The following CNTNAP4 variants were observed in gnomAD, a reference collection of about 807,000 sequenced individuals.
CNTNAP4 encodes contactin associated protein family member 4.
Under a neutral mutation model 148.4 loss-of-function variants are expected in CNTNAP4, and 98 were observed. The observed-to-expected ratio is 0.66, with a 90% CI of 0.56 to 0.78. CNTNAP4 has a LOEUF of 0.78. Ranked by LOEUF, CNTNAP4 falls within the 30% of genes least tolerant of loss-of-function variation. CNTNAP4 has a pLI of 0.00. For missense variants in CNTNAP4, 1,935 were observed against 1,565.6 expected, an observed-to-expected ratio of 1.24 and a Z score of -3.98; for synonymous variants, 730 against 565.1, an observed-to-expected ratio of 1.29 and a Z score of -4.14.
Position 76,540,747 on chromosome 16 carries a change from A to T in CNTNAP4, c.3399A>T (p.Thr1133=). 1 of 1,577,862 alleles carries T rather than the reference A, an allele frequency of 6.3e-7. No individual in the cohort carries two copies. ...RRRQVHLSSG[T]EFSAVKSLVL... is the part of the protein sequence containing the mutation. The stretch of plus-strand genomic sequence containing the variant: ...GACAAGTTCACCTGTCATCAGGCAC[A>T]GAATTCAGTGCAGTCAAATCTCTGG... Residue 1133 remains threonine, a synonymous_variant, in exon 21 of 24, where the codon ACA becomes ACT. Transcript: ENST00000611870.
intron 12 of CNTNAP4, among the ~76,000 whole-genome samples, 169 bp from the exon 13 acceptor site, chr16:76,489,517 A>C (rs1245912427): frequency 6.6e-6 from 1 of 152,338 alleles, no homozygotes; most frequent in East Asian, 1.9e-4. Flanking sequence ...CACTTACCAT[A>C]ACTTAAAAAT....
chr16:76,316,491 G>A lies in CNTNAP4; in HGVS notation c.164G>A (p.Gly55Asp), dbSNP rs1295852190. 2 of 1,613,788 alleles carry A rather than the reference G, an allele frequency of 1.2e-6. No homozygotes were observed. Among genetic ancestry groups the A allele is most frequent in the South Asian group, 1.1e-5 (1 of 91,074 alleles). The change falls in exon 2 of 24, where the codon GGT (glycine) becomes GAT (aspartate). Residue 55 changes from glycine (G) to aspartate (D), a missense_variant. Physicochemically the swap from Gly to Asp is moderately conservative, Grantham distance 94 (BLOSUM62 -1). Transcript: ENST00000611870. ...TCTTCCGAGCTCTCCAGCAGTCATG[G>A]TCCTGGATTTGCAAGGCTGAATAGA... ...SSSSELSSSH[G>D]PGFARLNRRD... is the part of the protein sequence containing the mutation.
intron 4 of CNTNAP4, among the ~76,000 whole-genome samples, chr16:76,443,582 C>A (rs947662244): frequency 2.0e-5 from 3 of 151,636 alleles, no homozygotes; most frequent in Non-Finnish European, 4.4e-5. Flanking sequence ...CAGAGGGAGA[C>A]CCTGTCCAAA....
chr16:76,320,485 G>C (rs139062767), intron 2 of CNTNAP4, among the ~76,000 whole-genome samples: 370 of 152,316 alleles, frequency 2.4e-3, no homozygotes, highest in Non-Finnish European at 3.9e-3. Context: ...GGGTAGGACA[G>C]ATTTTGCTAA....
At chr16:76,484,506 A>T (rs976349964) in intron 12 of CNTNAP4, among the ~76,000 whole-genome samples, 1 of 152,156 alleles carries the variant, frequency 6.6e-6, no homozygotes, top group Admixed American at 6.6e-5. Flanking sequence ...GAGTATTGCA[A>T]CCCAGTGAGA....
Position 76,326,261 on chromosome 16 carries a change from A to C in CNTNAP4, c.196+9738A>C, listed in dbSNP as rs550553317. ...AGCGTACATGTGTGAAGGGCCCCAGACTCTGCCTCAGAATGAGAATGCCTC... is the reference window on the plus strand; with the variant it reads ...AGCGTACATGTGTGAAGGGCCCCAGCCTCTGCCTCAGAATGAGAATGCCTC... On this transcript the variant is annotated intron_variant, in intron 2 of 23. Transcript: ENST00000611870. 1.1e-3 allele frequency among the ~76,000 whole-genome samples: 163 copies of C among 152,230 alleles called. 1 individual carries two copies. Among genetic ancestry groups the C allele is most frequent in the African/African-American group, 3.7e-3 (154 of 41,548 alleles).
intron 4 of CNTNAP4, among the ~76,000 whole-genome samples, chr16:76,429,981 G>A (rs1474186733): frequency 6.6e-6 from 1 of 152,068 alleles, no homozygotes; most frequent in East Asian, 1.9e-4. Context: ...AGGAGAAAAA[G>A]TAATAAACTT....
intron 2 of CNTNAP4, among the ~76,000 whole-genome samples, chr16:76,341,870 AG>A (rs1964496378): frequency 6.6e-6 from 1 of 152,196 alleles, no homozygotes; most frequent in South Asian, 2.1e-4. Flanking sequence ...ATGCTGAAAA[AG>A]GCTGGTCAGG....
chr16:76,456,095 A>G (rs1265411788), intron 8 of CNTNAP4, among the ~76,000 whole-genome samples: 2 of 136,732 alleles, frequency 1.5e-5, no homozygotes, highest in African/African-American at 4.9e-5. Flanking sequence ...CTACTATTCC[A>G]TCCTTCCATT....
At chr16:76,307,503 C>T (rs1447779289) in intron 1 of CNTNAP4, among the ~76,000 whole-genome samples, 6 of 91,718 alleles carry the variant, frequency 6.5e-5, no homozygotes, top group Admixed American at 1.3e-4. Context: ...ATTTTAAATG[C>T]ATATATATAT....
intron 9 of CNTNAP4, among the ~76,000 whole-genome samples, chr16:76,465,166 A>C (rs1423157833): frequency 6.6e-6 from 1 of 152,226 alleles, no homozygotes; most frequent in African/African-American, 2.4e-5. Flanking sequence ...GAGGTGCTTA[A>C]CATGCTGACT....
chr16:76,454,260 A>G (rs2080636707), intron 8 of CNTNAP4, among the ~76,000 whole-genome samples: 1 of 152,044 alleles, frequency 6.6e-6, no homozygotes, highest in Non-Finnish European at 1.5e-5. Flanking sequence ...GATTACAGGC[A>G]TGTGCCACCA....
Position 76,558,648 on chromosome 16 carries a change from G to A in CNTNAP4, c.3892G>A (p.Ala1298Thr), listed in dbSNP as rs1275903353. The change falls in exon 24 of 24, where the codon GCA becomes ACA. Residue 1298 changes from alanine (A) to threonine (T), a missense_variant. Transcript: ENST00000611870. ...GAAAAGTGAGCTTAATATACAAAATGCAGTCAATGAAAATCAGAAAGAGTA... is the reference window on the plus strand; with the variant it reads ...GAAAAGTGAGCTTAATATACAAAATACAGTCAATGAAAATCAGAAAGAGTA... ...VLKSELNIQN[A>T]VNENQKEYFF 1 of 1,610,580 alleles carries A rather than the reference G, an allele frequency of 6.2e-7. No individual in the cohort carries two copies. Among genetic ancestry groups the A allele is most frequent in the Non-Finnish European group, 8.5e-7 (1 of 1,178,760 alleles).
intron 12 of CNTNAP4, among the ~76,000 whole-genome samples, chr16:76,483,232 A>ACTT (rs1491332018): frequency 0.046 from 17 of 370 alleles, no homozygotes; most frequent in African/African-American, 0.11. Flanking sequence ...GTTTTAAGAA[A>ACTT]CACACACACA....
At chr16:76,284,760 CCTGTATGTGT>C (rs1469095826) in intron 1 of CNTNAP4, among the ~76,000 whole-genome samples, 1 of 151,892 alleles carries the variant, frequency 6.6e-6, no homozygotes, top group Non-Finnish European at 1.5e-5. Flanking sequence ...AATATGCATG[CCTGTATGTGT>C]ATGCATGCAT....
chr16:76,522,817 C>T (rs891119007), intron 17 of CNTNAP4, among the ~76,000 whole-genome samples: 11 of 149,516 alleles, frequency 7.4e-5, no homozygotes, highest in African/African-American at 2.5e-4. Flanking sequence ...GGCTGGAGTG[C>T]AATAGTGCGA....
chr16:76,498,191 G>T (rs1311475660), intron 14 of CNTNAP4, among the ~76,000 whole-genome samples: 1 of 152,180 alleles, frequency 6.6e-6, no homozygotes, highest in East Asian at 1.9e-4. Context: ...AGGAGTTCAA[G>T]ACCAGCCTGG....
At chr16:76,290,111 T>G (rs1959054801) in intron 1 of CNTNAP4, among the ~76,000 whole-genome samples, 2 of 152,166 alleles carry the variant, frequency 1.3e-5, no homozygotes, top group Admixed American at 1.3e-4. Context: ...TGCCCTGTGT[T>G]ATTTTATTCT....
At chr16:76,355,936 G>A (rs775247005) in intron 3 of CNTNAP4, among the ~76,000 whole-genome samples, 2 of 151,194 alleles carry the variant, frequency 1.3e-5, no homozygotes, top group African/African-American at 2.4e-5. Flanking sequence ...TTGCAGTGGC[G>A]CGATCTTGGC....
Sources: gnomAD v4.1 joint callset for allele counts (sites outside exome capture counted in the v4.1 genomes callset) on GRCh38, gnomAD v4.1.1 for gene constraint, MANE v1.5 for transcripts, NCBI Gene and HGNC (gene_info 2026-07-23, HGNC 2026-07-21) for gene names.